The following RERE variants were observed in gnomAD, a reference collection of about 807,000 sequenced individuals.
The protein encoded by RERE is arginine-glutamic acid dipeptide repeats protein.
Under a neutral mutation model 146.1 loss-of-function variants are expected in RERE, and 40 were observed. The observed-to-expected ratio is 0.27, with a 90% CI of 0.21 to 0.36. RERE has a LOEUF of 0.36. RERE is among the 10% of genes least tolerant of loss of function. The pLI is 1.00. For missense variants in RERE, 1,933 were observed against 2,138.7 expected (o/e 0.90, Z 1.90); for synonymous variants, 1,003 against 866.0 (o/e 1.16, Z -2.78).
At chr1:8,411,787 T>C (rs1490094569) in intron 12 of RERE, among the ~76,000 whole-genome samples, 1 of 152,230 alleles carries the variant, frequency 6.6e-6, no homozygotes, top group African/African-American at 2.4e-5. Context: ...GGTTTTTCTT[T>C]TTAGGCTCAC....
chr1:8,363,540 T>C (rs1323731565), intron 15 of RERE, among the ~76,000 whole-genome samples: 1 of 152,162 alleles, frequency 6.6e-6, no homozygotes, highest in African/African-American at 2.4e-5. Flanking sequence ...ACCCTGTCAG[T>C]ACCCTCAGCC....
intron 11 of RERE, among the ~76,000 whole-genome samples, chr1:8,463,977 G>A (rs887805612): frequency 2.0e-5 from 3 of 152,106 alleles, no homozygotes; most frequent in African/African-American, 4.8e-5. Flanking sequence ...CAGGCTTTTC[G>A]CAGAATTTTA....
intron 1 of RERE, among the ~76,000 whole-genome samples, chr1:8,812,226 T>G (rs1379986264): frequency 2.0e-5 from 3 of 152,224 alleles, no homozygotes; most frequent in African/African-American, 7.2e-5. Flanking sequence ...AAATAGGGTA[T>G]GAGGATTCCT....
chr1:8,534,655 T>C (rs771085311), intron 7 of RERE, among the ~76,000 whole-genome samples: 7 of 151,746 alleles, frequency 4.6e-5, no homozygotes, highest in Non-Finnish European at 1.0e-4. Flanking sequence ...TTAAATAAAA[T>C]AGGAGGCCAT....
chr1:8,607,530 A>ATTTTTTTTTTTTTTTTTTTTTTTT (rs1646732347), intron 4 of RERE, among the ~76,000 whole-genome samples: 2 of 57,582 alleles, frequency 3.5e-5, no homozygotes, highest in African/African-American at 1.4e-4. Flanking sequence ...TTTTATATAT[A>ATTTTTTTTTTTTTTTTTTTTTTTT]TTTCTTTTTT....
intron 12 of RERE, among the ~76,000 whole-genome samples, chr1:8,387,579 C>T (rs1296582789): frequency 6.6e-6 from 1 of 152,114 alleles, no homozygotes; most frequent in East Asian, 1.9e-4. Context: ...AGATGAGTAT[C>T]TAGAACTCTT....
intron 11 of RERE, among the ~76,000 whole-genome samples, chr1:8,426,771 C>T (rs1644019475): frequency 6.6e-6 from 1 of 152,182 alleles, no homozygotes; most frequent in Non-Finnish European, 1.5e-5. Flanking sequence ...TCCAGTAATG[C>T]CAACTGGCCC....
intron 10 of RERE, among the ~76,000 whole-genome samples, chr1:8,467,523 T>C (rs1056245474): frequency 6.6e-6 from 1 of 152,238 alleles, no homozygotes; most frequent in African/African-American, 2.4e-5. Flanking sequence ...CACAGTAAGC[T>C]GGCAGTGGTA....
chr1:8,611,001 C>A (rs1256708610), intron 4 of RERE, among the ~76,000 whole-genome samples: 1 of 151,548 alleles, frequency 6.6e-6, no homozygotes, highest in Non-Finnish European at 1.5e-5. Flanking sequence ...AAGATCATAC[C>A]GGCTAACACA....
At chr1:8,794,080 T>A (rs1321788252) in intron 1 of RERE, among the ~76,000 whole-genome samples, 7 of 144,048 alleles carry the variant, frequency 4.9e-5, no homozygotes, top group African/African-American at 7.7e-5. Flanking sequence ...AAAAAAAAAT[T>A]TTTTTTTTTT....
rs571357473 is a variant in RERE, at chr1:8,366,933, A to C, written c.1285-959T>G. The stretch of plus-strand genomic sequence containing the variant: ...AAAAAAAACAAAAAAAAAAAACAAA[A>C]AAAAAAAACCCAAAAAACAAACACA... On this transcript the variant is annotated intron_variant, in intron 12 of 22. Transcript: ENST00000400908. Among the ~76,000 whole-genome samples the C allele has an allele frequency of 4.0e-3, 593 of 149,572 alleles. 14 individuals are homozygous for C. The highest frequency in any genetic ancestry group is 0.027 in the Middle Eastern group (8 of 294).
intron 1 of RERE, among the ~76,000 whole-genome samples, chr1:8,697,693 C>A (rs1639364080): frequency 1.3e-5 from 2 of 152,218 alleles, no homozygotes; most frequent in African/African-American, 4.8e-5. Context: ...CAACCTACCA[C>A]ACACAACTTT....
chr1:8,748,697 A>G (rs1417008567), intron 1 of RERE, among the ~76,000 whole-genome samples: 2 of 152,194 alleles, frequency 1.3e-5, no homozygotes, highest in Non-Finnish European at 2.9e-5. Flanking sequence ...GCCAAGTACG[A>G]AAAACCTGGT....
At chr1:8,359,435 G>A (rs1641458118) in intron 19 of RERE, among the ~76,000 whole-genome samples, 1 of 152,192 alleles carries the variant, frequency 6.6e-6, no homozygotes, top group Non-Finnish European at 1.5e-5. Context: ...GCCCCCTTGT[G>A]CTTCTCCCCG....
intron 10 of RERE, among the ~76,000 whole-genome samples, chr1:8,479,939 A>G (rs1019685080): frequency 5.3e-5 from 8 of 152,122 alleles, no homozygotes; most frequent in Non-Finnish European, 1.0e-4. Context: ...AATATTATAC[A>G]TTTTAGAATT....
intron 1 of RERE, among the ~76,000 whole-genome samples, chr1:8,776,700 T>C (rs1486455906): frequency 1.3e-5 from 2 of 152,256 alleles, no homozygotes; most frequent in Non-Finnish European, 2.9e-5. Flanking sequence ...ATGTTTCAAC[T>C]TCCCCTTAAA....
intron 7 of RERE, among the ~76,000 whole-genome samples, chr1:8,520,499 C>A (rs1645477911): frequency 6.6e-6 from 1 of 151,962 alleles, no homozygotes; most frequent in Admixed American, 6.6e-5. Flanking sequence ...AAAAACTGGT[C>A]AAAAAAATTT....
At chr1:8,566,210 GC>G (rs1646150746) in intron 4 of RERE, among the ~76,000 whole-genome samples, 1 of 152,184 alleles carries the variant, frequency 6.6e-6, no homozygotes, top group African/African-American at 2.4e-5. Flanking sequence ...TCTCAGTGGG[GC>G]CTGAATCCAC....
intron 12 of RERE, among the ~76,000 whole-genome samples, chr1:8,374,150 G>A (rs1200522668): frequency 6.6e-6 from 1 of 152,120 alleles, no homozygotes. Context: ...CGCCACCCAC[G>A]AGGAAGCCCA....
Sources: gnomAD v4.1 joint callset for allele counts (sites outside exome capture counted in the v4.1 genomes callset) on GRCh38, gnomAD v4.1.1 for gene constraint, MANE v1.5 for transcripts, NCBI Gene and HGNC (gene_info 2026-07-23, HGNC 2026-07-21) for gene names.